Variants in ENOX1 observed in about 807,000 individuals in gnomAD.
The protein encoded by ENOX1 is candidate growth-related and time keeping constitutive hydroquinone (NADH) oxidase.
ENOX1 carries 42 observed loss-of-function variants against 82.5 expected under a neutral mutation model. The ratio of observed to expected loss-of-function variants is 0.51; its 90% CI spans 0.40 to 0.66. The LOEUF is 0.66. ENOX1 is among the 30% of genes least tolerant of loss of function. ENOX1 has a pLI of 0.00. For missense variants in ENOX1, 608 were observed against 811.6 expected (o/e 0.75, Z 3.05); for synonymous variants, 271 against 282.2 (o/e 0.96, Z 0.40).
Position 43,514,752 on chromosome 13 carries a change from T to C in ENOX1, c.-218-30600A>G, listed in dbSNP as rs574431691. ...CATACCTTTACAACAGCTCTTGTTA[T>C]ATGAATATTCTACAAATTAACTCCC... On this transcript the variant is annotated intron_variant, in intron 2 of 16. Coordinates refer to ENST00000690772, the MANE Select transcript of ENOX1 (RefSeq NM_001347969.2). Among the ~76,000 whole-genome samples, 8 of 152,318 alleles carry C rather than the reference T, an allele frequency of 5.3e-5. No homozygotes were observed. The South Asian group carries it at 1.2e-3, about 24-fold the overall frequency.
At chr13:43,469,084 T>C (rs1279615141) in intron 3 of ENOX1, among the ~76,000 whole-genome samples, 1 of 152,200 alleles carries the variant, frequency 6.6e-6, no homozygotes, top group Admixed American at 6.5e-5. Context: ...CTTTCACTAA[T>C]AACTGTAATG....
chr13:43,391,053 A>G (rs1231095478), intron 5 of ENOX1, among the ~76,000 whole-genome samples: 1 of 151,922 alleles, frequency 6.6e-6, no homozygotes, highest in East Asian at 1.9e-4. Context: ...TAACCCACTG[A>G]CCTGACTTCT....
At chr13:43,519,568 T>C (rs1388517945) in intron 2 of ENOX1, among the ~76,000 whole-genome samples, 1 of 152,128 alleles carries the variant, frequency 6.6e-6, no homozygotes, top group Non-Finnish European at 1.5e-5. Context: ...ATGTGGTAAA[T>C]TAATCTGTCT....
At chr13:43,648,013 A>G (rs1037078013) in intron 2 of ENOX1, among the ~76,000 whole-genome samples, 1 of 152,190 alleles carries the variant, frequency 6.6e-6, no homozygotes. Flanking sequence ...GATCTCCCCC[A>G]AAGTCTTCAG....
At chr13:43,479,049 T>C (rs889599045) in intron 3 of ENOX1, among the ~76,000 whole-genome samples, 3 of 151,538 alleles carry the variant, frequency 2.0e-5, no homozygotes, top group Non-Finnish European at 4.4e-5. Flanking sequence ...CTTGGAGAAA[T>C]CAGGAGAAAC....
chr13:43,449,366 G>T (rs865825977), intron 3 of ENOX1, among the ~76,000 whole-genome samples: 1 of 152,196 alleles, frequency 6.6e-6, no homozygotes, highest in African/African-American at 2.4e-5. Context: ...TCAAATTTTA[G>T]ACACTGGTTG....
intron 2 of ENOX1, among the ~76,000 whole-genome samples, chr13:43,620,015 T>C (rs2082654289): frequency 1.3e-5 from 2 of 152,144 alleles, no homozygotes; most frequent in South Asian, 4.1e-4. Flanking sequence ...TATCCATCTC[T>C]TCTAATTTTC....
intron 2 of ENOX1, among the ~76,000 whole-genome samples, chr13:43,563,666 T>A (rs1250824932): frequency 2.0e-5 from 3 of 151,854 alleles, no homozygotes; most frequent in Non-Finnish European, 4.4e-5. Context: ...AAGACCCAGA[T>A]AAATAAAAAC....
At chr13:43,775,136 C>T (rs1033036288) in intron 1 of ENOX1, among the ~76,000 whole-genome samples, 1 of 152,122 alleles carries the variant, frequency 6.6e-6, no homozygotes, top group Non-Finnish European at 1.5e-5. Flanking sequence ...GCCTGAGCCA[C>T]CGTGCCCAAC....
chr13:43,529,201 G>A (rs1156518473), intron 2 of ENOX1, among the ~76,000 whole-genome samples: 3 of 151,896 alleles, frequency 2.0e-5, no homozygotes, highest in African/African-American at 4.8e-5. Context: ...ATCTTGCACC[G>A]TTCCACCCAA....
intron 9 of ENOX1, among the ~76,000 whole-genome samples, chr13:43,339,638 A>G (rs1047257259): frequency 1.3e-5 from 2 of 152,200 alleles, no homozygotes; most frequent in Admixed American, 1.3e-4. Context: ...TGGACAGGCT[A>G]CCATGGAATG....
intron 3 of ENOX1, among the ~76,000 whole-genome samples, chr13:43,476,840 G>A (rs2058304373): frequency 6.6e-6 from 1 of 152,088 alleles, no homozygotes; most frequent in Non-Finnish European, 1.5e-5. Context: ...CTCTTCTATG[G>A]TAGGTGGGAC....
At chr13:43,354,880 A>G (rs2050052136) in intron 8 of ENOX1, among the ~76,000 whole-genome samples, 1 of 152,124 alleles carries the variant, frequency 6.6e-6, no homozygotes, top group South Asian at 2.1e-4. Flanking sequence ...AATCTTATTT[A>G]TTCTGCAAAT....
chr13:43,247,858 TATATATATATATATATATATA>T (rs2043192052), intron 14 of ENOX1, among the ~76,000 whole-genome samples: 60 of 3,840 alleles, frequency 0.016, 6 homozygotes, highest in African/African-American at 0.019. Flanking sequence ...TATATATATA[TATATATATATATATATATATA>T]TATATTTTTT....
intron 14 of ENOX1, among the ~76,000 whole-genome samples, chr13:43,264,402 C>A (rs73176313): frequency 0.15 from 22,986 of 152,194 alleles, 2,012 homozygotes; most frequent in Non-Finnish European, 0.21. Flanking sequence ...TCTTTGTAAC[C>A]CCCATTTCTG....
intron 8 of ENOX1, among the ~76,000 whole-genome samples, chr13:43,353,420 G>A (rs1270845733): frequency 1.3e-5 from 2 of 152,096 alleles, no homozygotes; most frequent in East Asian, 1.9e-4. Context: ...GATTTCTCAG[G>A]GGAGGAAAAA....
At chr13:43,214,708 T>G (rs2041375469) in intron 16 of ENOX1, among the ~76,000 whole-genome samples, 1 of 152,178 alleles carries the variant, frequency 6.6e-6, no homozygotes, top group South Asian at 2.1e-4. Context: ...TAATGCAACT[T>G]TTTTCTTCTC....
At chr13:43,288,555 C>G (rs145109545) in intron 12 of ENOX1, among the ~76,000 whole-genome samples, 2 of 152,228 alleles carry the variant, frequency 1.3e-5, no homozygotes, top group African/African-American at 4.8e-5. Flanking sequence ...AGAGAAAACT[C>G]CTTTCTCTAC....
intron 2 of ENOX1, among the ~76,000 whole-genome samples, chr13:43,528,920 A>G (rs1475770392): frequency 6.6e-6 from 1 of 152,030 alleles, no homozygotes; most frequent in Non-Finnish European, 1.5e-5. Context: ...ATTTAGAGAA[A>G]TTATCTTATT....
Sources: gnomAD v4.1 joint callset for allele counts (sites outside exome capture counted in the v4.1 genomes callset) on GRCh38, gnomAD v4.1.1 for gene constraint, MANE v1.5 for transcripts, NCBI Gene and HGNC (gene_info 2026-07-23, HGNC 2026-07-21) for gene names.